NAV2: variants seen among roughly 807,000 people sequenced by gnomAD.
NAV2 encodes the protein neuron navigator 2.
A neutral mutation model predicts 223.2 loss-of-function variants in NAV2; 54 were observed. That is an observed-to-expected ratio of 0.24 (90% CI 0.19 to 0.30). The LOEUF (loss-of-function observed/expected upper bound fraction) is 0.30, where lower values mean the gene tolerates loss of function less well. NAV2 is among the 10% of genes least tolerant of loss of function. NAV2 has a pLI of 1.00. For missense variants in NAV2, 2,806 were observed against 3,147.5 expected, an observed-to-expected ratio of 0.89 and a Z score of 2.60; for synonymous variants, 1,279 against 1,239.3, an observed-to-expected ratio of 1.03 and a Z score of -0.67.
intron 1 of NAV2, among the ~76,000 whole-genome samples, chr11:19,636,277 G>C (rs1360328785): frequency 1.3e-5 from 2 of 152,094 alleles, no homozygotes; most frequent in Non-Finnish European, 2.9e-5. Context: ...AATATCAGTG[G>C]GTAGAGAGAG....
At chr11:19,838,051 GGAGA>G (rs1441779123) in intron 2 of NAV2, among the ~76,000 whole-genome samples, 3 of 152,102 alleles carry the variant, frequency 2.0e-5, no homozygotes, top group African/African-American at 7.2e-5. Flanking sequence ...GGGAGGAGAG[GGAGA>G]AAGGAAAGGA....
chr11:19,960,902 T>C (rs1014756304), intron 10 of NAV2, among the ~76,000 whole-genome samples: 2 of 151,544 alleles, frequency 1.3e-5, no homozygotes, highest in South Asian at 4.2e-4. Flanking sequence ...TGTGAACCAC[T>C]ATGTCCAGCC....
At chr11:19,439,471 G>T (rs1461148579) in intron 1 of NAV2, among the ~76,000 whole-genome samples, 1 of 152,090 alleles carries the variant, frequency 6.6e-6, no homozygotes, top group African/African-American at 2.4e-5. Flanking sequence ...AAAGGATATA[G>T]GAAGAGTCAT....
At chr11:19,780,216 C>G (rs2056620380) in intron 1 of NAV2, among the ~76,000 whole-genome samples, 1 of 152,188 alleles carries the variant, frequency 6.6e-6, no homozygotes, top group South Asian at 2.1e-4. Flanking sequence ...CTACATCTGT[C>G]CAAATCCCAT....
At chr11:19,534,735 G>C (rs1159770939) in intron 1 of NAV2, among the ~76,000 whole-genome samples, 1 of 152,166 alleles carries the variant, frequency 6.6e-6, no homozygotes, top group East Asian at 1.9e-4. Flanking sequence ...AGGTGGAGTA[G>C]AGGAGGAAAA....
At chr11:19,374,092 A>C (rs745602998) in intron 1 of NAV2, among the ~76,000 whole-genome samples, 1 of 152,222 alleles carries the variant, frequency 6.6e-6, no homozygotes, top group Non-Finnish European at 1.5e-5. Flanking sequence ...AATTATAATA[A>C]TGTTATCATG....
chr11:19,535,024 G>T (rs75253210), intron 1 of NAV2, among the ~76,000 whole-genome samples: 4 of 152,246 alleles, frequency 2.6e-5, no homozygotes, highest in South Asian at 4.1e-4. Flanking sequence ...GACATAATAA[G>T]TGCTTAATAA....
In NAV2 at chr11:19,908,243, T is replaced by C. The variant is rs528570656; in HGVS notation, c.931+15649T>C. Reference sequence around the variant, plus strand: ...GGCTTTGGCATATCTGCCTTTTGGATGAGCTTAACTAAACAGAGAGCTTTT... The same window carrying C: ...GGCTTTGGCATATCTGCCTTTTGGACGAGCTTAACTAAACAGAGAGCTTTT... On this transcript the variant is annotated intron_variant, in intron 6 of 37. Transcript: ENST00000349880. Among the ~76,000 whole-genome samples, 32 of 152,306 alleles carry C rather than the reference T, an allele frequency of 2.1e-4. No homozygotes were observed. In the South Asian group the frequency reaches 6.6e-3, roughly 32 times the overall value.
intron 1 of NAV2, among the ~76,000 whole-genome samples, chr11:19,698,594 C>T (rs192667272): frequency 1.3e-5 from 2 of 152,360 alleles, no homozygotes; most frequent in Non-Finnish European, 2.9e-5. Context: ...AGCTTGGCCA[C>T]GGCCACCCAT....
At chr11:19,661,100 C>T (rs1435350154) in intron 1 of NAV2, among the ~76,000 whole-genome samples, 1 of 152,170 alleles carries the variant, frequency 6.6e-6, no homozygotes, top group East Asian at 1.9e-4. Context: ...ACCATCTACC[C>T]TGTCGCCCCA....
chr11:19,481,368 C>G (rs907753115), intron 1 of NAV2, among the ~76,000 whole-genome samples: 1 of 152,080 alleles, frequency 6.6e-6, no homozygotes, highest in Non-Finnish European at 1.5e-5. Flanking sequence ...CAGTGACACC[C>G]CAGGTGAGGA....
At chr11:19,468,398 G>A (rs1852445169) in intron 1 of NAV2, among the ~76,000 whole-genome samples, 1 of 152,138 alleles carries the variant, frequency 6.6e-6, no homozygotes, top group Admixed American at 6.5e-5. Flanking sequence ...CTCTAGGGGA[G>A]GGTCTTTCCT....
intron 1 of NAV2, among the ~76,000 whole-genome samples, chr11:19,642,299 A>G (rs1028713959): frequency 6.6e-6 from 1 of 152,240 alleles, no homozygotes; most frequent in Non-Finnish European, 1.5e-5. Context: ...GACCTGCACC[A>G]GAAGACAAAG....
chr11:19,681,901 A>G (rs2048890050), intron 1 of NAV2, among the ~76,000 whole-genome samples: 1 of 152,192 alleles, frequency 6.6e-6, no homozygotes, highest in Non-Finnish European at 1.5e-5. Flanking sequence ...GGTTTCATAT[A>G]GAAATTAGGA....
chr11:19,863,919 G>C (rs2061941942), intron 3 of NAV2, among the ~76,000 whole-genome samples: 1 of 152,214 alleles, frequency 6.6e-6, no homozygotes, highest in Non-Finnish European at 1.5e-5. Context: ...ATAAATGAAT[G>C]GGTGACAATT....
At chr11:19,669,062 T>G (rs1415245428) in intron 1 of NAV2, among the ~76,000 whole-genome samples, 3 of 152,166 alleles carry the variant, frequency 2.0e-5, no homozygotes, top group African/African-American at 7.2e-5. Context: ...ATTAGAGAGA[T>G]GGTTAGCTCT....
At chr11:19,562,368 C>T (rs1272576842) in intron 1 of NAV2, among the ~76,000 whole-genome samples, 2 of 152,110 alleles carry the variant, frequency 1.3e-5, no homozygotes, top group East Asian at 3.9e-4. Context: ...CAGAGTAGCC[C>T]CTGGGGCCTC....
intron 1 of NAV2, among the ~76,000 whole-genome samples, chr11:19,370,040 C>A (rs1160326025): frequency 2.0e-5 from 3 of 152,282 alleles, no homozygotes; most frequent in South Asian, 2.1e-4. Flanking sequence ...TTGGTTTGGG[C>A]AGAATATCAG....
Position 20,049,166 on chromosome 11 carries a change from T to C in NAV2, c.4341T>C (p.Thr1447=). 6.2e-7 allele frequency: 1 copy of C among 1,608,706 alleles called. No individual in the cohort carries two copies. Among genetic ancestry groups the C allele is most frequent in the Non-Finnish European group, 8.5e-7 (1 of 1,177,288 alleles). The change falls in exon 15 of 38, where the codon ACT becomes ACC. Residue 1447 remains threonine (T), a synonymous_variant. Coordinates refer to ENST00000349880, the MANE Select transcript of NAV2 (RefSeq NM_145117.5). ...KDDSLTPFVR[T]NSVKTTLSES... ...ACTCCTTGACTCCCTTTGTCAGAAC[T>C]AACAGTGTGAAGACCACACTGTCAG...
Sources: allele counts gnomAD v4.1 joint callset (sites outside exome capture counted in the v4.1 genomes callset), GRCh38; gene constraint gnomAD v4.1.1; transcripts MANE v1.5; gene names NCBI Gene and HGNC (gene_info 2026-07-23, HGNC 2026-07-21).